Variants in BTBD9 observed in about 807,000 individuals in gnomAD.
BTBD9 encodes BTB/POZ domain-containing protein 9.
A neutral mutation model predicts 64.3 loss-of-function variants in BTBD9; 49 were observed. That is an observed-to-expected ratio of 0.76 (90% CI 0.61 to 0.97). BTBD9 has a LOEUF of 0.97. Ranked by LOEUF, BTBD9 falls within the 50% of genes least tolerant of loss-of-function variation. The probability of loss-of-function intolerance (pLI) is 0.00; values close to 1 mark genes in which losing one functional copy is unlikely to be tolerated. For missense variants in BTBD9, 598 were observed against 762.1 expected (o/e 0.78, Z 2.53); for synonymous variants, 260 against 274.7 (o/e 0.95, Z 0.53).
chr6:38,438,012 C>A (rs1768816575), intron 6 of BTBD9, among the ~76,000 whole-genome samples: 1 of 151,938 alleles, frequency 6.6e-6, no homozygotes. Flanking sequence ...CTAATTTAAA[C>A]AAAGTCTACT....
intron 6 of BTBD9, among the ~76,000 whole-genome samples, chr6:38,481,007 T>C (rs1185625230): frequency 6.6e-6 from 1 of 152,236 alleles, no homozygotes; most frequent in African/African-American, 2.4e-5. Context: ...AAGAGCTTTA[T>C]ATCTAGACTC....
At chr6:38,491,078 T>G (rs906480799) in intron 6 of BTBD9, among the ~76,000 whole-genome samples, 3 of 152,190 alleles carry the variant, frequency 2.0e-5, no homozygotes, top group African/African-American at 7.2e-5. Flanking sequence ...AGGGTCATCA[T>G]GTTGAGAGAG....
At chr6:38,297,332 C>T (rs1013248748) in intron 7 of BTBD9, among the ~76,000 whole-genome samples, 1 of 152,096 alleles carries the variant, frequency 6.6e-6, no homozygotes, top group African/African-American at 2.4e-5. Flanking sequence ...CGCCATTGCA[C>T]CCCAGCCTGG....
At chr6:38,326,060 T>C (rs887411324) in intron 7 of BTBD9, among the ~76,000 whole-genome samples, 2 of 151,916 alleles carry the variant, frequency 1.3e-5, no homozygotes, top group Non-Finnish European at 2.9e-5. Context: ...TTACCAAGAC[T>C]AGGGGTAGGG....
At chr6:38,338,657 T>C (rs1192682424) in intron 7 of BTBD9, among the ~76,000 whole-genome samples, 2 of 152,134 alleles carry the variant, frequency 1.3e-5, no homozygotes, top group Non-Finnish European at 2.9e-5. Flanking sequence ...AGAACTTCTA[T>C]TTTCCAGGAG....
chr6:38,267,024 T>C (rs1056823303), intron 8 of BTBD9, among the ~76,000 whole-genome samples: 6 of 152,232 alleles, frequency 3.9e-5, no homozygotes, highest in Non-Finnish European at 8.8e-5. Context: ...CTTCCTCCTC[T>C]TGATGAATAT....
intron 10 of BTBD9, among the ~76,000 whole-genome samples, chr6:38,180,193 TG>T (rs1561838211): frequency 6.6e-6 from 1 of 152,184 alleles, no homozygotes. Flanking sequence ...GCAATGCAAA[TG>T]GGCATTCGGG....
At chr6:38,265,835 T>G (rs1270075533) in intron 8 of BTBD9, among the ~76,000 whole-genome samples, 1 of 152,168 alleles carries the variant, frequency 6.6e-6, no homozygotes, top group Admixed American at 6.5e-5. Flanking sequence ...AACCAACTTT[T>G]AACAGCTAAC....
At chr6:38,360,890 T>G (rs1764926979) in intron 6 of BTBD9, among the ~76,000 whole-genome samples, 1 of 152,090 alleles carries the variant, frequency 6.6e-6, no homozygotes, top group African/African-American at 2.4e-5. Context: ...TAGGTAAAAT[T>G]GATTTTAGCA....
rs114693465 is a variant in BTBD9 at position 38,304,938 on chromosome 6, C to G, written c.1265-16477G>C. 4.5e-3 allele frequency among the ~76,000 whole-genome samples: 688 copies of G among 152,140 alleles called. 4 individuals carry two copies. Among genetic ancestry groups the G allele is most frequent in the African/African-American group, 0.016 (649 of 41,518 alleles). ...AGTACTACAATCTGATCTAAACTGA[C>G]AGCCAGAGATTCAGAATGTGAGTTT... On this transcript the variant is annotated intron_variant, in intron 7 of 10. Transcript: ENST00000481247.
At position 38,169,809 on chromosome 6, in the gene BTBD9, G is replaced by A. The variant is rs892000328; in HGVS notation, c.*5176C>T. 1 of 148,320 alleles carries A rather than the reference G, an allele frequency of 6.7e-6. No individual in the cohort carries two copies. Among genetic ancestry groups the A allele is most frequent in the Non-Finnish European group, 1.5e-5 (1 of 67,096 alleles). 9.2% of individuals were successfully genotyped at this position (148,320 alleles called of 1,614,324 possible). A position where few individuals can be genotyped will look rare whatever the true frequency, so the allele number is the denominator to read the frequency against. On this transcript the variant is annotated 3_prime_UTR_variant, in exon 11 of 11. Transcript: ENST00000481247. Reference sequence around the variant, plus strand: ...CTATAAATACTCACGGACGCAAATGGTAAATGCTCCCAGACATTTATCATA... The same window carrying A: ...CTATAAATACTCACGGACGCAAATGATAAATGCTCCCAGACATTTATCATA...
At chr6:38,349,247 C>T (rs922899691) in intron 6 of BTBD9, among the ~76,000 whole-genome samples, 2 of 152,096 alleles carry the variant, frequency 1.3e-5, no homozygotes, top group Non-Finnish European at 2.9e-5. Context: ...ATAACACGAA[C>T]TTTACAGGGT....
chr6:38,590,108 A>G (rs2127488227), intron 4 of BTBD9, among the ~76,000 whole-genome samples: 1 of 152,300 alleles, frequency 6.6e-6, no homozygotes, highest in South Asian at 2.1e-4. Flanking sequence ...TACCCATTAT[A>G]TGCTATTTGG....
intron 7 of BTBD9, among the ~76,000 whole-genome samples, chr6:38,303,872 T>TATATATATATAC (rs1554137156): frequency 1.9e-5 from 2 of 106,646 alleles, no homozygotes; most frequent in Non-Finnish European, 3.4e-5. Context: ...TATATATATA[T>TATATATATATAC]ATACACACAC....
chr6:38,351,925 GAATT>G (rs570175757), intron 6 of BTBD9, among the ~76,000 whole-genome samples: 20 of 151,962 alleles, frequency 1.3e-4, no homozygotes, highest in Non-Finnish European at 2.4e-4. Context: ...ATTATATTTT[GAATT>G]AATATCACAA....
chr6:38,627,703 G>A (rs1161993206), intron 1 of BTBD9, among the ~76,000 whole-genome samples: 2 of 152,040 alleles, frequency 1.3e-5, no homozygotes, highest in Non-Finnish European at 2.9e-5. Flanking sequence ...TTAAAATTTT[G>A]TACCATTTTT....
intron 8 of BTBD9, among the ~76,000 whole-genome samples, chr6:38,268,876 C>T (rs1361302156): frequency 6.6e-6 from 1 of 152,248 alleles, no homozygotes; most frequent in Non-Finnish European, 1.5e-5. Flanking sequence ...TACTGCCCCT[C>T]TCCCACTGCA....
At chr6:38,415,606 C>T (rs1767632775) in intron 6 of BTBD9, among the ~76,000 whole-genome samples, 1 of 152,138 alleles carries the variant, frequency 6.6e-6, no homozygotes, top group Non-Finnish European at 1.5e-5. Flanking sequence ...TAATACAGCA[C>T]CCAAGGTAGA....
chr6:38,354,338 T>A (rs1039405174), intron 6 of BTBD9, among the ~76,000 whole-genome samples: 1 of 152,180 alleles, frequency 6.6e-6, no homozygotes, highest in Non-Finnish European at 1.5e-5. Flanking sequence ...TTTCTTTTCA[T>A]GGAAAACCCA....
Sources: allele counts gnomAD v4.1 joint callset (sites outside exome capture counted in the v4.1 genomes callset), GRCh38; gene constraint gnomAD v4.1.1; transcripts MANE v1.5; gene names NCBI Gene and HGNC (gene_info 2026-07-23, HGNC 2026-07-21).